RNF150: variants seen among roughly 807,000 people sequenced by gnomAD.
The protein encoded by RNF150 is ring finger protein 150.
In RNF150, 24 loss-of-function variants were observed where a neutral mutation model predicts 39.3. The observed-to-expected ratio is 0.61, with a 90% confidence interval of 0.44 to 0.86. RNF150 has a LOEUF of 0.86. Among genes scored for constraint, RNF150 ranks in the 40% least tolerant of loss-of-function variants. The pLI is 0.00. For missense variants in RNF150, 502 were observed against 587.8 expected, an observed-to-expected ratio of 0.85 and a Z score of 1.51; for synonymous variants, 255 against 227.3, an observed-to-expected ratio of 1.12 and a Z score of -1.10.
chr4:141,207,698 T>A (rs1189814425), intron 1 of RNF150, among the ~76,000 whole-genome samples: 1 of 152,188 alleles, frequency 6.6e-6, no homozygotes, highest in Non-Finnish European at 1.5e-5. Flanking sequence ...ACTTCCAACC[T>A]ACGGAAGCTG....
At chr4:140,992,611 T>G (rs978280897) in intron 1 of RNF150, among the ~76,000 whole-genome samples, 3 of 152,122 alleles carry the variant, frequency 2.0e-5, no homozygotes, top group African/African-American at 7.2e-5. Flanking sequence ...GTCCTCTACC[T>G]TTAACCCTCA....
intron 1 of RNF150, among the ~76,000 whole-genome samples, chr4:141,073,666 G>GT (rs34946853): frequency 0.43 from 65,802 of 151,270 alleles, 16,684 homozygotes; most frequent in Non-Finnish European, 0.58. Context: ...TCAAGCTCGG[G>GT]GGGGGAAGTC....
intron 1 of RNF150, among the ~76,000 whole-genome samples, chr4:141,084,382 A>G (rs912282495): frequency 5.9e-5 from 9 of 152,342 alleles, no homozygotes; most frequent in Middle Eastern, 3.4e-3. Context: ...CCTTTTTAAA[A>G]GAGGAAATCT....
chr4:141,169,038 G>A (rs1310427284), intron 1 of RNF150, among the ~76,000 whole-genome samples: 1 of 152,138 alleles, frequency 6.6e-6, no homozygotes, highest in Non-Finnish European at 1.5e-5. Flanking sequence ...GCCAGGGACA[G>A]AATTATATAG....
At chr4:141,140,753 A>G (rs1327508873) in intron 1 of RNF150, among the ~76,000 whole-genome samples, 1 of 152,168 alleles carries the variant, frequency 6.6e-6, no homozygotes, top group East Asian at 1.9e-4. Flanking sequence ...AAATTACCAC[A>G]AAAGAGGGGA....
At chr4:141,037,607 A>G (rs1736194714) in intron 1 of RNF150, among the ~76,000 whole-genome samples, 1 of 152,188 alleles carries the variant, frequency 6.6e-6, no homozygotes. Flanking sequence ...TTCATTGTGT[A>G]AACAGAAGCC....
intron 1 of RNF150, among the ~76,000 whole-genome samples, chr4:141,181,482 T>C (rs922406879): frequency 1.3e-5 from 2 of 152,304 alleles, no homozygotes; most frequent in Middle Eastern, 3.4e-3. Flanking sequence ...TTGAAATTCA[T>C]TTATTTGATA....
chr4:141,108,821 TTC>T (rs1404656500), intron 1 of RNF150, among the ~76,000 whole-genome samples: 1 of 152,208 alleles, frequency 6.6e-6, no homozygotes, highest in Non-Finnish European at 1.5e-5. Context: ...TTGACTTATT[TTC>T]TTTCTAACAG....
At chr4:141,185,386 T>C (rs975289576) in intron 1 of RNF150, among the ~76,000 whole-genome samples, 2 of 152,232 alleles carry the variant, frequency 1.3e-5, no homozygotes, top group African/African-American at 4.8e-5. Flanking sequence ...TTTTGTATCC[T>C]GAGACTTTGC....
intron 1 of RNF150, among the ~76,000 whole-genome samples, chr4:141,162,653 G>A (rs1727535647): frequency 6.6e-6 from 1 of 151,998 alleles, no homozygotes; most frequent in South Asian, 2.1e-4. Flanking sequence ...AGCCTATGGA[G>A]GACAAGCAGA....
intron 1 of RNF150, among the ~76,000 whole-genome samples, chr4:141,184,291 A>G (rs11731304): frequency 0.94 from 142,444 of 152,300 alleles, 67,357 homozygotes; most frequent in Non-Finnish European, 1. Flanking sequence ...TTTGTTGGCT[A>G]CATAAATGTC....
intron 1 of RNF150, among the ~76,000 whole-genome samples, chr4:141,129,828 C>A (rs1045167029): frequency 6.6e-6 from 1 of 152,120 alleles, no homozygotes; most frequent in African/African-American, 2.4e-5. Context: ...TTTCAAGATA[C>A]ACAAATGCAT....
At chr4:141,070,179 T>C (rs200125536) in intron 1 of RNF150, among the ~76,000 whole-genome samples, 2,419 of 152,282 alleles carry the variant, frequency 0.016, 91 homozygotes, top group East Asian at 0.14. Flanking sequence ...GCTAGACATA[T>C]GTAGAAAGCT....
chr4:141,153,456 G>A (rs189981628), intron 1 of RNF150, among the ~76,000 whole-genome samples: 5 of 152,244 alleles, frequency 3.3e-5, no homozygotes, highest in African/African-American at 4.8e-5. Flanking sequence ...AAGCCAAGGG[G>A]AGGGGCCTCA....
intron 1 of RNF150, among the ~76,000 whole-genome samples, chr4:140,989,437 A>G (rs1734121019): frequency 6.6e-6 from 1 of 152,142 alleles, no homozygotes; most frequent in Admixed American, 6.6e-5. Context: ...GCACTCCCCA[A>G]GTTCAACCTC....
At chr4:140,894,131 C>T (rs1258037212) in intron 6 of RNF150, among the ~76,000 whole-genome samples, 4 of 152,186 alleles carry the variant, frequency 2.6e-5, no homozygotes, top group Non-Finnish European at 5.9e-5. Context: ...TCTTAAGAAA[C>T]AGCACTTGGC....
intron 1 of RNF150, among the ~76,000 whole-genome samples, chr4:140,982,111 C>T (rs9884337): frequency 1.3e-5 from 2 of 152,112 alleles, no homozygotes; most frequent in Non-Finnish European, 2.9e-5. Context: ...CATTGGTCAA[C>T]GAATATACAG....
At chr4:141,093,293 G>A (rs764914207) in intron 1 of RNF150, among the ~76,000 whole-genome samples, 1 of 151,466 alleles carries the variant, frequency 6.6e-6, no homozygotes, top group Non-Finnish European at 1.5e-5. Context: ...GTGAACCTGG[G>A]AGGAGGTGCT....
At chr4:141,099,404 G>T (rs759439696) in intron 1 of RNF150, among the ~76,000 whole-genome samples, 17 of 152,070 alleles carry the variant, frequency 1.1e-4, no homozygotes, top group Non-Finnish European at 2.5e-4. Flanking sequence ...CATTTTTCTG[G>T]CTCAGAAAGC....
Sources: gnomAD v4.1 joint callset for allele counts (sites outside exome capture counted in the v4.1 genomes callset) on GRCh38, gnomAD v4.1.1 for gene constraint, MANE v1.5 for transcripts, NCBI Gene and HGNC (gene_info 2026-07-23, HGNC 2026-07-21) for gene names.